Variants in KIAA1217 observed in about 807,000 individuals in gnomAD.
KIAA1217 encodes KIAA1217.
A neutral mutation model predicts 163.9 loss-of-function variants in KIAA1217; 88 were observed. That is an observed-to-expected ratio of 0.54 (90% confidence interval 0.45 to 0.64). The LOEUF is 0.64. KIAA1217 is among the 30% of genes least tolerant of loss of function. The pLI, the probability that KIAA1217 is intolerant of heterozygous loss-of-function variation, is 0.00. For missense variants in KIAA1217, 2,372 were observed against 2,475.0 expected (o/e 0.96, Z 0.88); for synonymous variants, 903 against 923.1 (o/e 0.98, Z 0.39).
chr10:23,975,360 A>G (rs1845496974), intron 1 of KIAA1217, among the ~76,000 whole-genome samples: 5 of 152,220 alleles, frequency 3.3e-5, no homozygotes, highest in Admixed American at 2.6e-4. Flanking sequence ...TTGTATAAAA[A>G]GCTAGTATCT....
intron 2 of KIAA1217, among the ~76,000 whole-genome samples, chr10:24,240,921 A>G (rs1390323310): frequency 2.0e-5 from 3 of 151,252 alleles, no homozygotes; most frequent in Non-Finnish European, 4.4e-5. Flanking sequence ...CAGTGGCGCG[A>G]TCTTGGCTCA....
chr10:24,144,660 G>A (rs868615981), intron 2 of KIAA1217, among the ~76,000 whole-genome samples: 10 of 152,200 alleles, frequency 6.6e-5, no homozygotes, highest in South Asian at 2.1e-4. Flanking sequence ...GAGATGATAC[G>A]TGTCTAAAAC....
At chr10:24,121,158 C>T (rs1211953022) in intron 2 of KIAA1217, among the ~76,000 whole-genome samples, 1 of 152,150 alleles carries the variant, frequency 6.6e-6, no homozygotes, top group Non-Finnish European at 1.5e-5. Context: ...TCCAGGCTCC[C>T]TTCTCTATTA....
intron 1 of KIAA1217, among the ~76,000 whole-genome samples, chr10:23,796,957 A>T (rs1836237302): frequency 6.6e-6 from 1 of 152,048 alleles, no homozygotes; most frequent in African/African-American, 2.4e-5. Context: ...GGCTCAAGTG[A>T]TCTTTTCACC....
intron 5 of KIAA1217, chr10:24,449,548 C>T: frequency 1.0e-6 from 1 of 985,280 alleles, no homozygotes. Context: ...GAAACAAAAC[C>T]TCTGAATGTC....
At chr10:24,198,830 GA>G (rs2067113724) in intron 2 of KIAA1217, among the ~76,000 whole-genome samples, 1 of 152,140 alleles carries the variant, frequency 6.6e-6, no homozygotes, top group Admixed American at 6.5e-5. Context: ...TTGAAAAACT[GA>G]AGGTGTGAGT....
rs573131971 is a variant in KIAA1217, at chr10:24,220,548, G to A, written c.354+639G>A. Among the ~76,000 whole-genome samples, 85 of 142,614 alleles carry A rather than the reference G, an allele frequency of 6.0e-4. 1 individual carries two copies. Among genetic ancestry groups the A allele is most frequent in the Middle Eastern group, 3.7e-3 (1 of 268 alleles). 93.6% of individuals were successfully genotyped at this position (142,614 alleles called of 152,430 possible). On this transcript the variant is annotated intron_variant, in intron 2 of 20. Transcript: ENST00000376454. ...TGGTTCACTGCAAGCTCTGCCTCCC[G>A]GGTTCACACCATTCTCCTGCCTCAG...
At chr10:23,767,796 C>G (rs1362997102) in intron 1 of KIAA1217, among the ~76,000 whole-genome samples, 4 of 152,084 alleles carry the variant, frequency 2.6e-5, no homozygotes, top group African/African-American at 9.7e-5. Context: ...AGGAAAAACT[C>G]AAGTAAGACA....
rs181495269 is a variant in KIAA1217, at chr10:23,942,913, G to A, written c.-320-64312G>A. Among the ~76,000 whole-genome samples, 176 of 148,660 alleles carry A rather than the reference G, an allele frequency of 1.2e-3. 1 individual carries two copies. Among genetic ancestry groups the A allele is most frequent in the Non-Finnish European group, 2.1e-3 (139 of 67,572 alleles). ...ACTTGAGGCCAGGAGTTCAAGATCA[G>A]CCTGGACAACATAGTGATATCCTGT... On this transcript the variant is annotated intron_variant, in intron 1 of 18. Transcript: ENST00000376462.
intron 2 of KIAA1217, among the ~76,000 whole-genome samples, chr10:24,080,426 A>C (rs958599401): frequency 2.0e-5 from 3 of 152,178 alleles, no homozygotes; most frequent in Admixed American, 2.0e-4. Flanking sequence ...CTGTTTTCCT[A>C]AGCCATTAAT....
rs544599228 is a variant in KIAA1217, at chr10:24,090,552, T to C, written c.-171+83178T>C. The stretch of plus-strand genomic sequence containing the variant: ...GTGCTCCCAAGGACTCAAATCACAG[T>C]GGACACAAAGTCTCTGCTTTCCAGT... On this transcript the variant is annotated intron_variant, in intron 2 of 18. Coordinates refer to the KIAA1217 transcript ENST00000376462. Among the ~76,000 whole-genome samples, 93 of 151,540 alleles carry C rather than the reference T, an allele frequency of 6.1e-4. 3 individuals are homozygous for C. Among genetic ancestry groups the C allele is most frequent in the Middle Eastern group, 6.8e-3 (2 of 294 alleles).
Position 23,819,002 on chromosome 10 carries a change from T to C in KIAA1217, c.-321+123768T>C, listed in dbSNP as rs139655635. Among the ~76,000 whole-genome samples, 748 of 152,352 alleles carry C rather than the reference T, an allele frequency of 4.9e-3. 5 individuals carry two copies. Among genetic ancestry groups the C allele is most frequent in the African/African-American group, 0.017 (715 of 41,578 alleles). ...ATGATTGTCATTATGCTGGTTCATATTACTTTATTCATAGAAATTATAGTG... is the reference window on the plus strand; with the variant it reads ...ATGATTGTCATTATGCTGGTTCATACTACTTTATTCATAGAAATTATAGTG... On this transcript the variant is annotated intron_variant, in intron 1 of 18. Coordinates refer to the KIAA1217 transcript ENST00000376462.
At chr10:24,477,556 A>T (rs777282026) in intron 6 of KIAA1217, among the ~76,000 whole-genome samples, 14 of 152,226 alleles carry the variant, frequency 9.2e-5, no homozygotes, top group Non-Finnish European at 1.6e-4. Context: ...TTTCAACCAG[A>T]ATTCTTCAAA....
intron 2 of KIAA1217, among the ~76,000 whole-genome samples, chr10:24,305,803 G>C (rs138889241): frequency 1.6e-3 from 240 of 152,278 alleles, no homozygotes; most frequent in African/African-American, 5.6e-3. Context: ...TGGAGCCCAG[G>C]GGTCATCCAT....
chr10:24,086,110 C>T (rs1832314810), intron 2 of KIAA1217, among the ~76,000 whole-genome samples: 1 of 152,028 alleles, frequency 6.6e-6, no homozygotes, highest in South Asian at 2.1e-4. Flanking sequence ...TGGAGCACCA[C>T]ACCTGAGCAG....
intron 2 of KIAA1217, among the ~76,000 whole-genome samples, chr10:24,163,284 T>C (rs2131891162): frequency 6.6e-6 from 1 of 152,344 alleles, no homozygotes; most frequent in Middle Eastern, 3.4e-3. Flanking sequence ...CAATCAAAAA[T>C]GCTCTGTGTC....
chr10:24,396,475 G>T (rs1049385602), intron 3 of KIAA1217, among the ~76,000 whole-genome samples: 1 of 152,168 alleles, frequency 6.6e-6, no homozygotes, highest in African/African-American at 2.4e-5. Context: ...ATATATAATA[G>T]ATGGTATAAG....
At chr10:23,897,925 T>A (rs1204573930) in intron 1 of KIAA1217, among the ~76,000 whole-genome samples, 2 of 152,108 alleles carry the variant, frequency 1.3e-5, no homozygotes, top group East Asian at 3.9e-4. Flanking sequence ...AAACAATTTT[T>A]AAATTTTTTT....
chr10:24,409,137 T>C (rs1222847022), intron 3 of KIAA1217, among the ~76,000 whole-genome samples: 1 of 152,184 alleles, frequency 6.6e-6, no homozygotes, highest in Non-Finnish European at 1.5e-5. Context: ...ACAGATTTTT[T>C]TTCTTGCCCC....
Sources: allele counts gnomAD v4.1 joint callset (sites outside exome capture counted in the v4.1 genomes callset), GRCh38; gene constraint gnomAD v4.1.1; transcripts MANE v1.5; gene names NCBI Gene and HGNC (gene_info 2026-07-23, HGNC 2026-07-21).